Variants in ANOS1 observed in about 807,000 individuals in gnomAD.
ANOS1 encodes the protein anosmin-1.
In ANOS1, 6 loss-of-function variants were observed where a neutral mutation model predicts 59.0. The ratio of observed to expected loss-of-function variants is 0.10; its 90% CI spans 0.06 to 0.20. The LOEUF (loss-of-function observed/expected upper bound fraction) is 0.20, where lower values mean the gene tolerates loss of function less well. Ranked by LOEUF, ANOS1 falls within the 10% of genes least tolerant of loss-of-function variation. The pLI, the probability that ANOS1 is intolerant of heterozygous loss-of-function variation, is 1.00. For synonymous variants in ANOS1, 217 were observed against 223.4 expected (o/e 0.97, Z 0.25); for missense variants, 433 against 542.3 (o/e 0.80, Z 2.00).
intron 3 of ANOS1, among the ~76,000 whole-genome samples, chrX:8,599,586 C>T (rs768366329): frequency 1.8e-5 from 2 of 112,014 alleles, no homozygotes; most frequent in South Asian, 7.6e-4. Flanking sequence ...CTGGTAATGC[C>T]TGGGCAACAC....
intron 9 of ANOS1, among the ~76,000 whole-genome samples, chrX:8,547,490 C>A (rs777466022): frequency 8.9e-6 from 1 of 112,066 alleles, no homozygotes; most frequent in Non-Finnish European, 1.9e-5. Context: ...CTCTCAACTA[C>A]TTCAGCTGTT....
intron 3 of ANOS1, among the ~76,000 whole-genome samples, chrX:8,614,592 T>C (rs1015995852): frequency 2.7e-5 from 3 of 111,505 alleles, no homozygotes; most frequent in African/African-American, 9.8e-5. Context: ...ATAATAAAAG[T>C]AGCTAATATA....
intron 2 of ANOS1, among the ~76,000 whole-genome samples, chrX:8,698,441 C>A (rs2146898059): frequency 8.9e-6 from 1 of 112,135 alleles, no homozygotes; most frequent in African/African-American, 3.2e-5. Flanking sequence ...TCCTATAATA[C>A]ACGATTAATA....
At chrX:8,585,461 C>A in intron 5 of ANOS1, 65 bp from the exon 6 acceptor site, 1 of 1,160,535 alleles carries the variant, frequency 8.6e-7, no homozygotes, top group South Asian at 1.8e-5. Context: ...TTAGTTGGAT[C>A]TGTTTAGAAA....
rs372915443 is a variant in ANOS1, at chrX:8,539,731, C to T, written c.1382G>A (p.Arg461Gln). Residue 461 changes from arginine (R) to glutamine (Q), a missense_variant, in exon 10 of 14, where the codon CGG becomes CAG. Coordinates refer to ENST00000262648, the MANE Select transcript of ANOS1 (RefSeq NM_000216.4). ...EDPTVNRYHV[R>Q]WFPEACAHNR... ...GTGGGCACACGCTTCAGGAAACCAC[C>T]GCACATGATATCGGTTGACAGTGGG... 1.1e-4 allele frequency: 137 copies of T among 1,209,058 alleles called. No homozygotes were observed. Among genetic ancestry groups the T allele is most frequent in the Middle Eastern group, 9.2e-4 (4 of 4,350 alleles).
In ANOS1 at chrX:8,597,222, G is replaced by A. The variant is rs1362557894; in HGVS notation, c.353C>T (p.Thr118Ile). 4 of 1,211,411 alleles carry A rather than the reference G, an allele frequency of 3.3e-6. No individual in the cohort carries two copies. Among genetic ancestry groups the A allele is most frequent in the African/African-American group, 1.7e-5 (1 of 57,857 alleles). Reference sequence around the variant, plus strand: ...GATGTATTTGAGGAACTCACAGCTGGTCAAGCATTCGTAGCTCTTCTTGGG... The same window carrying A: ...GATGTATTTGAGGAACTCACAGCTGATCAAGCATTCGTAGCTCTTCTTGGG... Reference protein sequence around the residue: ...LFPKKSYECLTSCEFLKYILL... With the variant: ...LFPKKSYECLISCEFLKYILL... Residue 118 changes from threonine to isoleucine, a missense_variant, in exon 4 of 14, where the codon ACC becomes ATC. Physicochemically the swap from Thr to Ile is moderately conservative, Grantham distance 89 (BLOSUM62 -1). Coordinates refer to ENST00000262648, the MANE Select transcript of ANOS1 (RefSeq NM_000216.4).
At chrX:8,697,179 G>T (rs371696709) in intron 2 of ANOS1, among the ~76,000 whole-genome samples, 27 of 111,403 alleles carry the variant, frequency 2.4e-4, no homozygotes, top group African/African-American at 7.2e-4. Flanking sequence ...GGAGGCAGAG[G>T]TTGCAGTGAC....
At chrX:8,665,620 A>G (rs1932121238) in intron 2 of ANOS1, among the ~76,000 whole-genome samples, 1 of 112,175 alleles carries the variant, frequency 8.9e-6, no homozygotes, top group African/African-American at 3.2e-5. Context: ...AAACATCAAA[A>G]TATTTCATTA....
chrX:8,618,165 A>G (rs1037593996), intron 3 of ANOS1, among the ~76,000 whole-genome samples: 2 of 112,243 alleles, frequency 1.8e-5, no homozygotes, highest in African/African-American at 6.5e-5. Context: ...CTGTTATGGG[A>G]ATCAAATCTA....
At chrX:8,727,518 G>A (rs1276607397) in intron 1 of ANOS1, among the ~76,000 whole-genome samples, 1 of 112,629 alleles carries the variant, frequency 8.9e-6, no homozygotes, top group Non-Finnish European at 1.9e-5. Context: ...CACTGAGGAG[G>A]ATGCAATAAA....
chrX:8,719,737 G>A (rs190260210), intron 1 of ANOS1, among the ~76,000 whole-genome samples: 58 of 111,292 alleles, frequency 5.2e-4, no homozygotes, highest in Non-Finnish European at 8.9e-4. Flanking sequence ...ATAAGAATCA[G>A]GGTAATGTGA....
chrX:8,640,729 G>C (rs770075600), intron 2 of ANOS1, among the ~76,000 whole-genome samples: 2 of 109,724 alleles, frequency 1.8e-5, no homozygotes, highest in Non-Finnish European at 3.8e-5. Context: ...TGCTACTCAA[G>C]GCAAATAAAG....
chrX:8,640,086 G>T (rs185535668), intron 2 of ANOS1, among the ~76,000 whole-genome samples: 33 of 110,609 alleles, frequency 3.0e-4, no homozygotes, highest in African/African-American at 8.2e-4. Flanking sequence ...GTTTTTTCTC[G>T]CTGGCTTCCC....
chrX:8,615,700 G>A (rs1284272457), intron 3 of ANOS1, among the ~76,000 whole-genome samples: 5 of 111,184 alleles, frequency 4.5e-5, no homozygotes, highest in East Asian at 5.7e-4. Context: ...TTCCATAGAC[G>A]CCATTTTCAC....
intron 2 of ANOS1, among the ~76,000 whole-genome samples, chrX:8,666,143 C>G (rs1255977084): frequency 9.0e-6 from 1 of 111,386 alleles, no homozygotes; most frequent in Non-Finnish European, 1.9e-5. Flanking sequence ...CTGCAGTGAG[C>G]TACAATCACG....
Position 8,568,321 on chromosome X carries a change from T to G in ANOS1, c.1118A>C (p.Glu373Ala). The G allele has an allele frequency of 8.3e-7, 1 of 1,209,477 alleles. No individual in the cohort carries two copies. Among genetic ancestry groups the G allele is most frequent in the Non-Finnish European group, 1.1e-6 (1 of 893,427 alleles). ...TCCCCAGTACGTTATGGCTTGCAAT[T>G]CCACAACATAGTCACAGTCTGGCTG... The part of the protein sequence containing the change: ...KLQPDCDYVV[E>A]LQAITYWGQT... Residue 373 changes from glutamate to alanine, a missense_variant, in exon 8 of 14, where the codon GAA becomes GCA. Transcript: ENST00000262648.
intron 10 of ANOS1, among the ~76,000 whole-genome samples, chrX:8,538,124 A>G (rs1378836693): frequency 8.1e-5 from 9 of 110,921 alleles, no homozygotes; most frequent in Non-Finnish European, 1.7e-4. Context: ...CGCAAGACCA[A>G]CCCAAGCCCA....
intron 3 of ANOS1, among the ~76,000 whole-genome samples, chrX:8,600,635 C>CT (rs1256263045): frequency 8.9e-6 from 1 of 111,961 alleles, no homozygotes; most frequent in Non-Finnish European, 1.9e-5. Context: ...ACTCTCAAGG[C>CT]TTTTATCTCT....
Position 8,554,026 on chromosome X carries a change from C to A in ANOS1, c.1280G>T (p.Arg427Leu). ...GAAGGGAGCTCCGACTTCCAGCGGG[C>A]GAGTGGGTCGTCGTCTTTGAAAAGG... ...QLPFQRRRPT[R>L]PLEVGAPFYQ... is the part of the protein sequence containing the mutation. The change falls in exon 9 of 14, where the codon CGC becomes CTC. Residue 427 changes from arginine (R) to leucine (L), a missense_variant. Physicochemically the swap from Arg to Leu is moderately radical, Grantham distance 102. Transcript: ENST00000262648. 8.3e-7 allele frequency: 1 copy of A among 1,205,498 alleles called. No homozygotes were observed. The highest frequency in any genetic ancestry group is 1.1e-6 in the Non-Finnish European group (1 of 889,739).
Sources: allele counts gnomAD v4.1 joint callset (sites outside exome capture counted in the v4.1 genomes callset), GRCh38; gene constraint gnomAD v4.1.1; transcripts MANE v1.5; gene names NCBI Gene and HGNC (gene_info 2026-07-23, HGNC 2026-07-21).